GPM6B: variants seen among roughly 807,000 people sequenced by gnomAD.
GPM6B encodes the protein glycoprotein M6B.
In GPM6B, 4 loss-of-function variants were observed where a neutral mutation model predicts 27.2. The observed-to-expected ratio is 0.15, with a 90% CI of 0.07 to 0.34. The LOEUF (loss-of-function observed/expected upper bound fraction) is 0.34, where lower values mean the gene tolerates loss of function less well. GPM6B is among the 10% of genes least tolerant of loss of function. GPM6B has a pLI of 1.00. For synonymous variants in GPM6B, 124 were observed against 103.1 expected, an observed-to-expected ratio of 1.20 and a Z score of -1.23; for missense variants, 183 against 261.9, an observed-to-expected ratio of 0.70 and a Z score of 2.08.
At chrX:13,777,486 A>C (rs1269800259) in intron 5 of GPM6B, 61 bp from the exon 6 acceptor site, 1 of 748,606 alleles carries the variant, frequency 1.3e-6, no homozygotes, top group Non-Finnish European at 2.1e-6. Context: ...TTCTTAACAG[A>C]CCCCACCACT....
chrX:13,811,314 C>T lies in GPM6B; in HGVS notation c.62-3545G>A, dbSNP rs1373813433. Among the ~76,000 whole-genome samples the T allele has an allele frequency of 8.0e-5, 9 of 112,358 alleles. No homozygotes were observed. The East Asian group carries it at 1.4e-3, about 17-fold the overall frequency. ...CATTTACTTATTTAATGTAATTTAG[C>T]GAGAAGGCTGAACAAATGAACTTCA... On this transcript the variant is annotated intron_variant, in intron 1 of 7. Coordinates refer to ENST00000316715, the MANE Select transcript of GPM6B (RefSeq NM_001001995.3).
upstream of GPM6B, among the ~76,000 whole-genome samples, chrX:13,819,368 G>T (rs1008098192): frequency 8.9e-6 from 1 of 112,091 alleles, no homozygotes; most frequent in African/African-American, 3.2e-5. Context: ...ACATTTCTGA[G>T]ATATGCATCC....
At chrX:13,861,138 A>G (rs978716647) in intron 1 of GPM6B, among the ~76,000 whole-genome samples, 7 of 76,029 alleles carry the variant, frequency 9.2e-5, no homozygotes, top group Non-Finnish European at 1.6e-4. Flanking sequence ...ATATATATAT[A>G]ATATACATAT....
upstream of GPM6B, among the ~76,000 whole-genome samples, chrX:13,819,815 G>A (rs987886144): frequency 2.9e-4 from 33 of 112,153 alleles, no homozygotes; most frequent in Non-Finnish European, 4.9e-4. Flanking sequence ...AAAGAAAATG[G>A]ATGGAGGGGG....
At chrX:13,814,271 C>A (rs759727330) in intron 1 of GPM6B, among the ~76,000 whole-genome samples, 1 of 112,184 alleles carries the variant, frequency 8.9e-6, no homozygotes, top group Non-Finnish European at 1.9e-5. Context: ...TGGGTATTAG[C>A]CATTGGGCAA....
At chrX:13,777,161 T>C (rs1313979643) in intron 6 of GPM6B, among the ~76,000 whole-genome samples, 191 bp downstream of exon 6, 2 of 111,997 alleles carry the variant, frequency 1.8e-5, no homozygotes, top group Admixed American at 1.9e-4. Flanking sequence ...TTGGACCATA[T>C]GAAGTGACCA....
chrX:13,812,594 T>G (rs1250298088), intron 1 of GPM6B, among the ~76,000 whole-genome samples: 4 of 111,462 alleles, frequency 3.6e-5, no homozygotes, highest in Non-Finnish European at 7.5e-5. Flanking sequence ...GAAGTTTAAG[T>G]CATGGGGACA....
intron 2 of GPM6B, among the ~76,000 whole-genome samples, chrX:13,807,244 T>C (rs1313393545): frequency 8.9e-6 from 1 of 112,228 alleles, no homozygotes; most frequent in Non-Finnish European, 1.9e-5. Flanking sequence ...CACAGTACTC[T>C]CAGGGCCAAG....
chrX:13,929,982 A>G (rs1202058038), intron 1 of GPM6B, among the ~76,000 whole-genome samples: 5 of 112,003 alleles, frequency 4.5e-5, no homozygotes, highest in African/African-American at 1.6e-4. Flanking sequence ...AGCTCAACTC[A>G]AGATCTACTC....
intron 1 of GPM6B, among the ~76,000 whole-genome samples, chrX:13,931,028 C>CA (rs1372150877): frequency 9.0e-6 from 1 of 110,658 alleles, no homozygotes; most frequent in Non-Finnish European, 1.9e-5. Context: ...ACTAAAAATA[C>CA]AAAAAATTAG....
intron 1 of GPM6B, among the ~76,000 whole-genome samples, chrX:13,929,072 T>C (rs1231764333): frequency 8.9e-6 from 1 of 112,280 alleles, no homozygotes; most frequent in Non-Finnish European, 1.9e-5. Flanking sequence ...AAGGTTGCCT[T>C]AAGGGCTTAA....
intron 1 of GPM6B, among the ~76,000 whole-genome samples, chrX:13,916,314 A>T (rs985441090): frequency 8.9e-6 from 1 of 112,261 alleles, no homozygotes; most frequent in Non-Finnish European, 1.9e-5. Context: ...TGGAATGGAT[A>T]TCTAAACAGA....
intron 1 of GPM6B, among the ~76,000 whole-genome samples, chrX:13,812,707 T>A (rs964887838): frequency 8.1e-5 from 9 of 111,353 alleles, no homozygotes; most frequent in African/African-American, 2.9e-4. Flanking sequence ...AGAAATGTGA[T>A]CTTGAAAATC....
intron 1 of GPM6B, among the ~76,000 whole-genome samples, chrX:13,860,670 T>TA (rs2049834617): frequency 9.1e-6 from 1 of 110,133 alleles, no homozygotes; most frequent in Admixed American, 9.8e-5. Flanking sequence ...GGGGAACAGG[T>TA]AGTGTTTGGT....
chrX:13,813,255 GCATA>G (rs1250731253), intron 1 of GPM6B, among the ~76,000 whole-genome samples: 1 of 108,693 alleles, frequency 9.2e-6, no homozygotes, highest in African/African-American at 3.4e-5. Context: ...AGCCAAAAGT[GCATA>G]CATTTTGCTA....
At chrX:13,792,933 C>CA (rs1569203155) in intron 2 of GPM6B, among the ~76,000 whole-genome samples, 2 of 107,365 alleles carry the variant, frequency 1.9e-5, no homozygotes, top group Non-Finnish European at 3.9e-5. Context: ...AAGCACCCCC[C>CA]ACCCCACCCC....
chrX:13,849,913 G>T (rs1340581861), intron 1 of GPM6B, among the ~76,000 whole-genome samples: 3 of 110,453 alleles, frequency 2.7e-5, no homozygotes, highest in African/African-American at 9.9e-5. Context: ...ACAAAAATTA[G>T]CCAGGCATGG....
intron 1 of GPM6B, among the ~76,000 whole-genome samples, chrX:13,928,611 A>G (rs1921324536): frequency 8.9e-6 from 1 of 112,808 alleles, no homozygotes; most frequent in Admixed American, 9.4e-5. Flanking sequence ...AGCTTGACTT[A>G]CATTGCTAAT....
chrX:13,772,978 C>T lies in GPM6B; in HGVS notation c.890G>A (p.Ser297Asn). 1.7e-6 allele frequency: 2 copies of T among 1,209,436 alleles called. No individual in the cohort carries two copies. Among genetic ancestry groups the T allele is most frequent in the Non-Finnish European group, 2.2e-6 (2 of 893,500 alleles). Reference sequence around the variant, plus strand: ...GATATCCTGGTAAGCCTGCATTTTGCTCGCATCCTTTAAGTAAGCCCAGTT... The same window carrying T: ...GATATCCTGGTAAGCCTGCATTTTGTTCGCATCCTTTAAGTAAGCCCAGTT... ...SSNWAYLKDA[S>N]KMQAYQDIKA... The change falls in exon 8 of 8, where the codon AGC (serine) becomes AAC (asparagine). Residue 297 changes from serine to asparagine, a missense_variant. Ser to Asn is a conservative substitution (Grantham distance 46, BLOSUM62 1). Transcript: ENST00000316715.
Sources: allele counts gnomAD v4.1 joint callset (sites outside exome capture counted in the v4.1 genomes callset), GRCh38; gene constraint gnomAD v4.1.1; transcripts MANE v1.5; gene names NCBI Gene and HGNC (gene_info 2026-07-23, HGNC 2026-07-21).